Variants in TNR observed in about 807,000 individuals in gnomAD.
TNR encodes tenascin-R.
TNR carries 45 observed loss-of-function variants against 150.4 expected under a neutral mutation model. The ratio of observed to expected loss-of-function variants is 0.30; its 90% CI spans 0.24 to 0.38. TNR has a LOEUF of 0.38. Ranked by LOEUF, TNR falls within the 10% of genes least tolerant of loss-of-function variation. TNR has a pLI of 1.00. For missense variants in TNR, 1,544 were observed against 1,759.1 expected (o/e 0.88, Z 2.19); for synonymous variants, 687 against 678.4 (o/e 1.01, Z -0.20).
At chr1:175,650,882 C>A (rs1191920506) in intron 1 of TNR, among the ~76,000 whole-genome samples, 1 of 139,392 alleles carries the variant, frequency 7.2e-6, no homozygotes, top group Non-Finnish European at 1.6e-5. Context: ...TCCTCCTCCC[C>A]ACCTCATTAC....
chr1:175,598,347 A>T (rs1663089230), intron 1 of TNR, among the ~76,000 whole-genome samples: 1 of 152,256 alleles, frequency 6.6e-6, no homozygotes, highest in Non-Finnish European at 1.5e-5. Flanking sequence ...AGGTTAAATG[A>T]CTTGATCAAG....
rs1270133030 is a variant in TNR at position 175,439,158 on chromosome 1, T to C, written c.-63-32381A>G. Among the ~76,000 whole-genome samples the C allele has an allele frequency of 3.9e-5, 6 of 152,276 alleles. No homozygotes were observed. The East Asian group carries it at 1.2e-3, about 29-fold the overall frequency. On this transcript the variant is annotated intron_variant, in intron 2 of 22. Coordinates refer to ENST00000367674, the MANE Select transcript of TNR (RefSeq NM_003285.3). Reference sequence around the variant, plus strand: ...GGCTACAGTAACCAAAACAGCATGGTACTGGTACCAAAACAGAGATATAGA... The same window carrying C: ...GGCTACAGTAACCAAAACAGCATGGCACTGGTACCAAAACAGAGATATAGA...
intron 2 of TNR, among the ~76,000 whole-genome samples, chr1:175,498,816 G>T (rs942948665): frequency 1.3e-5 from 2 of 152,140 alleles, no homozygotes; most frequent in Admixed American, 6.5e-5. Context: ...TATCTGGTAT[G>T]GTCAATTACC....
chr1:175,526,541 C>T (rs1659853462), intron 2 of TNR, among the ~76,000 whole-genome samples: 1 of 152,208 alleles, frequency 6.6e-6, no homozygotes, highest in African/African-American at 2.4e-5. Context: ...TACTTCAAAA[C>T]CTGTCTGCAG....
intron 1 of TNR, among the ~76,000 whole-genome samples, chr1:175,701,837 C>T (rs913979856): frequency 3.3e-5 from 5 of 152,170 alleles, no homozygotes; most frequent in African/African-American, 1.2e-4. Flanking sequence ...TCACAATGTG[C>T]ATTTGAACAG....
At chr1:175,503,847 C>T (rs1658840807) in intron 2 of TNR, among the ~76,000 whole-genome samples, 1 of 152,166 alleles carries the variant, frequency 6.6e-6, no homozygotes, top group African/African-American at 2.4e-5. Context: ...TTCAGCAATG[C>T]CTTCCTTTTG....
At position 175,403,358 on chromosome 1, in the gene TNR, T is replaced by C. The variant is rs1162273553; in HGVS notation, c.758A>G (p.Glu253Gly). The part of the protein sequence containing the change: ...GLCVDGECVC[E>G]EPYTGEDCRE... ...GCAGTCCTCGCCAGTGTAGGGCTCTTCACAGACACACTCCCCGTCCACGCA... is the reference window on the plus strand; with the variant it reads ...GCAGTCCTCGCCAGTGTAGGGCTCTCCACAGACACACTCCCCGTCCACGCA... Residue 253 changes from glutamate (E) to glycine (G), a missense_variant, in exon 4 of 23, where the codon GAA becomes GGA. This residue lies in a region of TNR where 1,254 missense variants were observed against 1,329.4 expected (regional missense o/e 0.94). Transcript: ENST00000367674. 6.2e-7 allele frequency: 1 copy of C among 1,613,916 alleles called. No individual in the cohort carries two copies. The highest frequency in any genetic ancestry group is 8.5e-7 in the Non-Finnish European group (1 of 1,179,974).
At chr1:175,588,944 T>G (rs1423542700) in intron 1 of TNR, among the ~76,000 whole-genome samples, 1 of 152,112 alleles carries the variant, frequency 6.6e-6, no homozygotes, top group Non-Finnish European at 1.5e-5. Context: ...TCATCTATGG[T>G]AACAATGATG....
intron 1 of TNR, among the ~76,000 whole-genome samples, chr1:175,544,134 G>T (rs4650921): frequency 6.6e-6 from 1 of 151,970 alleles, no homozygotes; most frequent in East Asian, 1.9e-4. Context: ...CAGGTATGTG[G>T]GAGAGCCTTT....
At chr1:175,740,192 AAGTAATACATTC>A (rs1216394330) in intron 1 of TNR, among the ~76,000 whole-genome samples, 4 of 152,350 alleles carry the variant, frequency 2.6e-5, no homozygotes, top group African/African-American at 9.6e-5. Flanking sequence ...CACATCTATT[AAGTAATACATTC>A]AGCAATACAT....
chr1:175,611,785 T>G (rs1367513220), intron 1 of TNR, among the ~76,000 whole-genome samples: 1 of 152,176 alleles, frequency 6.6e-6, no homozygotes, highest in Non-Finnish European at 1.5e-5. Flanking sequence ...CACAGACGCA[T>G]AGTCTCTACC....
At position 175,332,082 on chromosome 1, in the gene TNR, C is replaced by T. The variant is rs376866782; in HGVS notation, c.3632-1847G>A. 2.6e-4 allele frequency among the ~76,000 whole-genome samples: 39 copies of T among 152,294 alleles called. No individual in the cohort carries two copies. The South Asian group carries it at 6.4e-3, about 25-fold the overall frequency. On this transcript the variant is annotated intron_variant, in intron 20 of 22. Coordinates refer to ENST00000367674, the MANE Select transcript of TNR (RefSeq NM_003285.3). ...TTTAATTGGCAGATAGATCCATCCC[C>T]CAGGCTGCTACAAGTGTTGGCTGTT...
chr1:175,355,745 T>A, intron 16 of TNR, 112 bp from the exon 17 acceptor site: 2 of 1,437,566 alleles, frequency 1.4e-6, no homozygotes, highest in South Asian at 2.6e-5. Flanking sequence ...ATTGCTCACA[T>A]GCTGACCCCT....
chr1:175,519,248 A>G (rs1357346577), intron 2 of TNR, among the ~76,000 whole-genome samples: 1 of 152,210 alleles, frequency 6.6e-6, no homozygotes, highest in Non-Finnish European at 1.5e-5. Flanking sequence ...TCAAGACCAT[A>G]CTAATATAAC....
intron 1 of TNR, among the ~76,000 whole-genome samples, chr1:175,697,063 C>A (rs574187451): frequency 6.6e-6 from 1 of 151,680 alleles, no homozygotes; most frequent in Non-Finnish European, 1.5e-5. Flanking sequence ...AAACCAGAAA[C>A]CTGTTTATCC....
chr1:175,479,890 A>G (rs1258816167), intron 2 of TNR, among the ~76,000 whole-genome samples: 2 of 152,096 alleles, frequency 1.3e-5, no homozygotes, highest in African/African-American at 4.8e-5. Flanking sequence ...ATAACCATCC[A>G]CTAATCTACC....
intron 2 of TNR, among the ~76,000 whole-genome samples, chr1:175,465,310 C>G (rs1283008955): frequency 6.6e-6 from 1 of 152,188 alleles, no homozygotes; most frequent in Non-Finnish European, 1.5e-5. Context: ...AAACAAACAA[C>G]CCATGGAAAC....
chr1:175,655,965 C>T (rs1302776212), intron 1 of TNR, among the ~76,000 whole-genome samples: 1 of 152,088 alleles, frequency 6.6e-6, no homozygotes, highest in Admixed American at 6.5e-5. Flanking sequence ...TCCACAGGCT[C>T]AAGTGTAGGG....
chr1:175,571,210 T>C (rs1035309188), intron 1 of TNR, among the ~76,000 whole-genome samples: 1 of 152,200 alleles, frequency 6.6e-6, no homozygotes, highest in Non-Finnish European at 1.5e-5. Context: ...GCTCCACCTT[T>C]AGAATGTTCA....
Sources: gnomAD v4.1 joint callset for allele counts (sites outside exome capture counted in the v4.1 genomes callset) on GRCh38, gnomAD v4.1.1 for gene constraint, gnomAD v4.1.1 regional missense constraint, MANE v1.5 for transcripts, NCBI Gene and HGNC (gene_info 2026-07-23, HGNC 2026-07-21) for gene names.